KDM5B: variants seen among roughly 807,000 people sequenced by gnomAD.
The protein encoded by KDM5B is lysine demethylase 5B.
KDM5B carries 144 observed loss-of-function variants against 193.4 expected under a neutral mutation model. That is an observed-to-expected ratio of 0.74 (90% CI 0.65 to 0.86). The LOEUF is 0.86. Ranked by LOEUF, KDM5B falls within the 40% of genes least tolerant of loss-of-function variation. KDM5B has a pLI of 0.00. For missense variants in KDM5B, 1,833 were observed against 1,886.9 expected (o/e 0.97, Z 0.53); for synonymous variants, 668 against 682.6 (o/e 0.98, Z 0.33).
At chr1:202,773,900 G>T (rs1295796420) in intron 3 of KDM5B, among the ~76,000 whole-genome samples, 1 of 152,074 alleles carries the variant, frequency 6.6e-6, no homozygotes, top group Admixed American at 6.6e-5. Context: ...ACCACACCCA[G>T]CTAATTTTGT....
Position 202,764,123 on chromosome 1 carries a change from G to T in KDM5B, c.734C>A (p.Pro245His), listed in dbSNP as rs748511684. ...AGTTCTGGCTTCCGTTGTCTCCTCG[G>T]GTTCTATTTTAATATTCATGGCCTT... is the stretch of plus-strand genomic sequence containing the variant. ...RAEAMNIKIE[P>H]EETTEARTHN... The change falls in exon 6 of 27, where the codon CCC (proline) becomes CAC (histidine). Residue 245 changes from proline to histidine, a missense_variant. Around this residue, in one of 3 missense-constraint regions of KDM5B, gnomAD observed 355 missense variants for 374.9 expected, o/e 0.95. Transcript: ENST00000367265. 2.6e-6 allele frequency: 4 copies of T among 1,562,756 alleles called. No individual in the cohort carries two copies. The highest frequency in any genetic ancestry group is 2.0e-5 in the Admixed American group (1 of 50,844).
chr1:202,767,114 A>C, intron 4 of KDM5B, 54 bp from the exon 5 acceptor site: 1 of 1,601,796 alleles, frequency 6.2e-7, no homozygotes, highest in Non-Finnish European at 8.5e-7. Flanking sequence ...TCACATCATA[A>C]GTTTATTGAC....
chr1:202,770,315 G>A (rs910149713), intron 4 of KDM5B, among the ~76,000 whole-genome samples: 1 of 152,106 alleles, frequency 6.6e-6, no homozygotes, highest in African/African-American at 2.4e-5. Flanking sequence ...AAAACATGAT[G>A]ATGCAAGATT....
chr1:202,773,046 T>C (rs1656785682), intron 4 of KDM5B, 72 bp downstream of exon 4: 1 of 1,153,234 alleles, frequency 8.7e-7, no homozygotes, highest in African/African-American at 1.6e-5. Flanking sequence ...CAAGGCTTTT[T>C]CATTTCCCTG....
intron 1 of KDM5B, among the ~76,000 whole-genome samples, chr1:202,806,135 C>T (rs1184209309): frequency 6.6e-6 from 1 of 152,132 alleles, no homozygotes; most frequent in African/African-American, 2.4e-5. Context: ...CCAAGCCTAA[C>T]CAGAGCAACA....
Position 202,753,047 on chromosome 1 carries a change from T to A in KDM5B, c.1559A>T (p.Tyr520Phe). The A allele has an allele frequency of 6.2e-7, 1 of 1,613,376 alleles. No individual in the cohort carries two copies. Among genetic ancestry groups the A allele is most frequent in the Non-Finnish European group, 8.5e-7 (1 of 1,179,830 alleles). ...YLHWGEPKTW[Y>F]GVPGYAAEQL... is the part of the protein sequence containing the mutation. ...CTCAGCAGCATACCCTGGGACTCCA[T>A]ACCAGGTTTTTGGCTCACCCCTGGA... The change falls in exon 12 of 27, where the codon TAT (tyrosine) becomes TTT (phenylalanine). Residue 520 changes from tyrosine to phenylalanine, a missense_variant. This residue lies in a region of KDM5B where 1,379 missense variants were observed against 1,349.6 expected (regional missense o/e 1.02). Transcript: ENST00000367265.
At chr1:202,737,033 T>G (rs4950741) in intron 20 of KDM5B, among the ~76,000 whole-genome samples, 2 of 151,940 alleles carry the variant, frequency 1.3e-5, no homozygotes, top group Non-Finnish European at 2.9e-5. Context: ...TCTAAATTCA[T>G]TCATCTCATT....
At chr1:202,741,238 C>T (rs1266523004) in intron 19 of KDM5B, 129 bp downstream of exon 19, 2 of 566,712 alleles carry the variant, frequency 3.5e-6, no homozygotes, top group Non-Finnish European at 5.8e-6. Context: ...TCAGCTATTT[C>T]TACATGTCTT....
intron 10 of KDM5B, among the ~76,000 whole-genome samples, chr1:202,755,950 CAT>C (rs1491124745): frequency 1.4e-5 from 2 of 147,398 alleles, no homozygotes; most frequent in African/African-American, 5.0e-5. Flanking sequence ...CTTTTCTGAT[CAT>C]ATGTAATACT....
intron 18 of KDM5B, 30 bp from the exon 19 acceptor site, chr1:202,741,752 A>T: frequency 4.5e-6 from 6 of 1,322,654 alleles, no homozygotes; most frequent in Non-Finnish European, 6.4e-6. Flanking sequence ...TTGTTGCATT[A>T]AAACAGTAAT....
At chr1:202,775,247 T>C (rs1351067028) in intron 2 of KDM5B, among the ~76,000 whole-genome samples, 3 of 150,218 alleles carry the variant, frequency 2.0e-5, no homozygotes, top group African/African-American at 4.9e-5. Flanking sequence ...AAAATAATAA[T>C]AATTATACGA....
At chr1:202,750,604 T>C (rs1381108823) in intron 13 of KDM5B, 55 bp downstream of exon 13, 3 of 1,584,374 alleles carry the variant, frequency 1.9e-6, no homozygotes, top group Non-Finnish European at 2.6e-6. Flanking sequence ...TTATATTCCA[T>C]TTCCTCAGGA....
chr1:202,777,142 C>T (rs1311742197), intron 1 of KDM5B, 48 bp from the exon 2 acceptor site: 1 of 1,417,552 alleles, frequency 7.1e-7, no homozygotes, highest in Non-Finnish European at 9.9e-7. Flanking sequence ...AAGCATTTGA[C>T]ATTCAAAAAT....
At chr1:202,771,401 T>TTTC in intron 4 of KDM5B, among the ~76,000 whole-genome samples, 1 of 149,390 alleles carries the variant, frequency 6.7e-6, no homozygotes, top group Non-Finnish European at 1.5e-5. Flanking sequence ...CCAGCTAATT[T>TTTC]TTTTTTTTTT....
At position 202,797,715 on chromosome 1, in the gene KDM5B, T is replaced by C. The variant is rs570645633; in HGVS notation, c.204+10387A>G. ...CCTTCTATTTGCGTGGCTTCCACAA[T>C]GTCACAGTCATCCCATATTAGGGGA... On this transcript the variant is annotated intron_variant, in intron 1 of 26. Transcript: ENST00000367265. Among the ~76,000 whole-genome samples the C allele has an allele frequency of 4.6e-5, 7 of 152,348 alleles. No individual in the cohort carries two copies. The South Asian group carries it at 1.4e-3, about 32-fold the overall frequency.
chr1:202,781,919 A>G (rs1657212909), intron 1 of KDM5B, among the ~76,000 whole-genome samples: 2 of 152,208 alleles, frequency 1.3e-5, no homozygotes, highest in Non-Finnish European at 2.9e-5. Context: ...CTAATACCAA[A>G]ACACAATTAT....
chr1:202,760,778 A>G (rs7367771), intron 7 of KDM5B, among the ~76,000 whole-genome samples: 93,404 of 152,216 alleles, frequency 0.61, 31,577 homozygotes, highest in Middle Eastern at 0.77. Flanking sequence ...TACCAAATCT[A>G]AAGTGGAATC....
chr1:202,752,997 G>T lies in KDM5B; in HGVS notation c.1609C>A (p.Leu537Ile), dbSNP rs773675748. The T allele has an allele frequency of 6.2e-7, 1 of 1,614,102 alleles. No individual in the cohort carries two copies. Among genetic ancestry groups the T allele is most frequent in the South Asian group, 1.1e-5 (1 of 91,084 alleles). Residue 537 changes from leucine (L) to isoleucine (I), a missense_variant, in exon 12 of 27, where the codon CTA becomes ATA. Transcript: ENST00000367265. The stretch of plus-strand genomic sequence containing the variant: ...TGGGACACAAAGAGTTCTGGAGCTA[G>T]TTTCTTCATTACATTTTCTAGCTGC... ...AEQLENVMKKLAPELFVSQPD... is the reference protein window; with the variant it reads ...AEQLENVMKKIAPELFVSQPD...
At chr1:202,795,438 G>A (rs1234906536) in intron 1 of KDM5B, among the ~76,000 whole-genome samples, 2 of 151,904 alleles carry the variant, frequency 1.3e-5, no homozygotes, top group Non-Finnish European at 2.9e-5. Flanking sequence ...GATCATCCGA[G>A]GTCAGGAGTT....
Sources: allele counts gnomAD v4.1 joint callset (sites outside exome capture counted in the v4.1 genomes callset), GRCh38; gene constraint gnomAD v4.1.1; regional missense constraint gnomAD v4.1.1; transcripts MANE v1.5; gene names NCBI Gene and HGNC (gene_info 2026-07-23, HGNC 2026-07-21).